The following RAPGEF4 variants were observed in gnomAD, a reference collection of about 807,000 sequenced individuals.
The protein encoded by RAPGEF4 is RAP guanine-nucleotide-exchange factor (GEF) 4.
A neutral mutation model predicts 147.9 loss-of-function variants in RAPGEF4; 66 were observed. The observed-to-expected ratio is 0.45, with a 90% CI of 0.37 to 0.55. RAPGEF4 has a LOEUF of 0.55. Ranked by LOEUF, RAPGEF4 falls within the 20% of genes least tolerant of loss-of-function variation. The probability of loss-of-function intolerance (pLI) is 0.00; values close to 1 mark genes in which losing one functional copy is unlikely to be tolerated. For missense variants in RAPGEF4, 1,071 were observed against 1,257.3 expected, an observed-to-expected ratio of 0.85 and a Z score of 2.24; for synonymous variants, 419 against 442.7, an observed-to-expected ratio of 0.95 and a Z score of 0.67.
chr2:172,746,417 C>A lies in RAPGEF4; in HGVS notation c.65+10369C>A, dbSNP rs550699916. On this transcript the variant is annotated intron_variant, in intron 1 of 30. Coordinates refer to ENST00000397081, the MANE Select transcript of RAPGEF4 (RefSeq NM_007023.4). ...AATAGACAAATGGTGGTCAAGAGCC[C>A]ACAGGTAATGCTACAGAACATAGCC... Among the ~76,000 whole-genome samples, 18 of 152,220 alleles carry A rather than the reference C, an allele frequency of 1.2e-4. No homozygotes were observed. In the South Asian group the frequency reaches 3.7e-3, roughly 32 times the overall value.
At chr2:172,807,835 C>T (rs1574904912) in intron 3 of RAPGEF4, among the ~76,000 whole-genome samples, 1 of 152,272 alleles carries the variant, frequency 6.6e-6, no homozygotes, top group African/African-American at 2.4e-5. Context: ...TTGGTGTTAA[C>T]TCAGTATATG....
intron 1 of RAPGEF4, 146 bp from the exon 2 acceptor site, chr2:172,794,879 T>G: frequency 1.2e-6 from 1 of 826,368 alleles, no homozygotes; most frequent in Non-Finnish European, 1.9e-6. Context: ...CAGAAATACC[T>G]ATAAGGGGGT....
intron 4 of RAPGEF4, among the ~76,000 whole-genome samples, chr2:172,886,220 G>T (rs1697194920): frequency 6.6e-6 from 1 of 152,166 alleles, no homozygotes; most frequent in Non-Finnish European, 1.5e-5. Context: ...TCTTTCTCTA[G>T]ACCAGGGATC....
chr2:172,811,299 G>T (rs1687997725), intron 3 of RAPGEF4, among the ~76,000 whole-genome samples: 1 of 152,248 alleles, frequency 6.6e-6, no homozygotes, highest in African/African-American at 2.4e-5. Flanking sequence ...AGCAGCATCT[G>T]CTAAACCACC....
intron 17 of RAPGEF4, among the ~76,000 whole-genome samples, chr2:173,008,185 A>T (rs1694678885): frequency 6.6e-6 from 1 of 152,144 alleles, no homozygotes; most frequent in Non-Finnish European, 1.5e-5. Context: ...TGTGAAGGAC[A>T]TGATGGTTCC....
At chr2:172,747,741 G>A (rs1053938830) in intron 1 of RAPGEF4, among the ~76,000 whole-genome samples, 1 of 152,184 alleles carries the variant, frequency 6.6e-6, no homozygotes, top group African/African-American at 2.4e-5. Context: ...GGGATTACAG[G>A]CAGGAGCCAC....
At chr2:172,796,712 C>CT (rs1268762878) in intron 2 of RAPGEF4, among the ~76,000 whole-genome samples, 1 of 152,144 alleles carries the variant, frequency 6.6e-6, no homozygotes, top group Non-Finnish European at 1.5e-5. Context: ...GAAGCTTGCT[C>CT]TTCTCCAATA....
chr2:172,960,775 C>T lies in RAPGEF4; in HGVS notation c.553C>T (p.Pro185Ser), dbSNP rs756382081. The T allele has an allele frequency of 6.2e-7, 1 of 1,604,974 alleles. No individual in the cohort carries two copies. Among genetic ancestry groups the T allele is most frequent in the Non-Finnish European group, 8.5e-7 (1 of 1,175,800 alleles). ...PDKENTPLIE[P>S]HVPLRPANTI... The stretch of plus-strand genomic sequence containing the variant: ...TATTTTTCAGACACCTCTCATTGAA[C>T]CTCACGTTCCTCTTCGTCCTGCTAA... Residue 185 changes from proline (P) to serine (S), a missense_variant, in exon 7 of 31, where the codon CCT becomes TCT. Coordinates refer to ENST00000397081, the MANE Select transcript of RAPGEF4 (RefSeq NM_007023.4).
intron 4 of RAPGEF4, among the ~76,000 whole-genome samples, chr2:172,819,899 T>C (rs1036104856): frequency 2.6e-5 from 4 of 152,202 alleles, no homozygotes; most frequent in African/African-American, 7.2e-5. Flanking sequence ...AGTTATTATA[T>C]TAATAGTTGA....
Position 173,051,666 on chromosome 2 carries a change from A to G in RAPGEF4, c.2935A>G (p.Asn979Asp). 1 of 1,614,006 alleles carries G rather than the reference A, an allele frequency of 6.2e-7. No homozygotes were observed. The highest frequency in any genetic ancestry group is 8.5e-7 in the Non-Finnish European group (1 of 1,179,888). The change falls in exon 31 of 31, where the codon AAC becomes GAC. Residue 979 changes from asparagine (N) to aspartate (D), a missense_variant. Coordinates refer to ENST00000397081, the MANE Select transcript of RAPGEF4 (RefSeq NM_007023.4). Reference sequence around the variant, plus strand: ...TCCTGATGCAGCTCAAGCTAATAAGAACCATCAGGATGTCCGGAGTTATGT... The same window carrying G: ...TCCTGATGCAGCTCAAGCTAATAAGGACCATCAGGATGTCCGGAGTTATGT... ...FNPDAAQANKNHQDVRSYVRQ... is the reference protein window; with the variant it reads ...FNPDAAQANKDHQDVRSYVRQ...
At chr2:172,979,053 T>A (rs1033440721) in intron 10 of RAPGEF4, among the ~76,000 whole-genome samples, 4 of 152,234 alleles carry the variant, frequency 2.6e-5, no homozygotes, top group African/African-American at 9.6e-5. Flanking sequence ...AACAGTTGAG[T>A]AAATCTGTAA....
At position 173,011,802 on chromosome 2, in the gene RAPGEF4, C is replaced by T. The variant is rs187661688; in HGVS notation, c.1659-2662C>T. Among the ~76,000 whole-genome samples, 254 of 149,634 alleles carry T rather than the reference C, an allele frequency of 1.7e-3. 2 individuals carry two copies. The highest frequency in any genetic ancestry group is 5.6e-3 in the African/African-American group (227 of 40,836). On this transcript the variant is annotated intron_variant, in intron 17 of 30. Transcript: ENST00000397081. Reference sequence around the variant, plus strand: ...ATTTTCTCTGAAAAGCATATTAATTCATTTGAAAATATATTTATTTCTTAA... The same window carrying T: ...ATTTTCTCTGAAAAGCATATTAATTTATTTGAAAATATATTTATTTCTTAA...
chr2:172,965,377 C>CT, intron 8 of RAPGEF4, 185 bp from the exon 9 acceptor site: 1 of 686,668 alleles, frequency 1.5e-6, no homozygotes. Context: ...AGCTGAGTGG[C>CT]TTTTTTGGCT....
chr2:172,891,815 T>G (rs1282282052), intron 4 of RAPGEF4, among the ~76,000 whole-genome samples: 1 of 152,170 alleles, frequency 6.6e-6, no homozygotes, highest in Non-Finnish European at 1.5e-5. Flanking sequence ...TAAATACAAA[T>G]ATACTTGAAA....
At chr2:172,944,704 C>T (rs976419295) in intron 6 of RAPGEF4, among the ~76,000 whole-genome samples, 2 of 152,202 alleles carry the variant, frequency 1.3e-5, no homozygotes, top group Non-Finnish European at 2.9e-5. Flanking sequence ...TTCAGCTGAA[C>T]ATTTCCCCTT....
At chr2:172,838,845 C>T (rs7581330) in intron 4 of RAPGEF4, among the ~76,000 whole-genome samples, 17,749 of 100,696 alleles carry the variant, frequency 0.18, 1,098 homozygotes, top group South Asian at 0.27. Context: ...GCATGAAACG[C>T]GTTAGAGAAA....
chr2:172,742,645 C>T (rs1024054218), intron 1 of RAPGEF4, among the ~76,000 whole-genome samples: 3 of 152,114 alleles, frequency 2.0e-5, no homozygotes, highest in Non-Finnish European at 2.9e-5. Flanking sequence ...TCACTGTGGC[C>T]TCAAATACAT....
intron 4 of RAPGEF4, among the ~76,000 whole-genome samples, chr2:172,860,660 T>A (rs1693939978): frequency 6.6e-6 from 1 of 152,022 alleles, no homozygotes; most frequent in South Asian, 2.1e-4. Flanking sequence ...GCAATTGTTT[T>A]TTTAAAAAAT....
Position 173,017,201 on chromosome 2 carries a change from G to C in RAPGEF4, c.1926G>C (p.Lys642Asn). 1.2e-6 allele frequency: 2 copies of C among 1,613,350 alleles called. No individual in the cohort carries two copies. Among genetic ancestry groups the C allele is most frequent in the Non-Finnish European group, 1.7e-6 (2 of 1,179,226 alleles). Residue 642 changes from lysine (K) to asparagine (N), a missense_variant, in exon 20 of 31, where the codon AAG (lysine) becomes AAC (asparagine). Lys to Asn is a moderately conservative substitution (Grantham distance 94, BLOSUM62 0). Transcript: ENST00000397081. ...CAGAAGATGCAAAGGCACCACAAAA[G>C]AAGGTAGGTGGCATGAACTTGCATT... ...QISEDAKAPQ[K>N]KHKVLLQQFN... is the part of the protein sequence containing the mutation.
Sources: allele counts gnomAD v4.1 joint callset (sites outside exome capture counted in the v4.1 genomes callset), GRCh38; gene constraint gnomAD v4.1.1; transcripts MANE v1.5; gene names NCBI Gene and HGNC (gene_info 2026-07-23, HGNC 2026-07-21).